XRCC5: variants seen among roughly 807,000 people sequenced by gnomAD.
The protein encoded by XRCC5 is DNA repair protein Ku80.
A neutral mutation model predicts 95.7 loss-of-function variants in XRCC5; 12 were observed. The observed-to-expected ratio is 0.13, with a 90% CI of 0.08 to 0.20. XRCC5 has a LOEUF of 0.20. XRCC5 is among the 10% of genes least tolerant of loss of function. The probability of loss-of-function intolerance (pLI) is 1.00; values close to 1 mark genes in which losing one functional copy is unlikely to be tolerated. For missense variants in XRCC5, 595 were observed against 873.9 expected, an observed-to-expected ratio of 0.68 and a Z score of 4.02; for synonymous variants, 281 against 290.3, an observed-to-expected ratio of 0.97 and a Z score of 0.33.
At chr2:216,124,014 G>T (rs866704104) in intron 6 of XRCC5, among the ~76,000 whole-genome samples, 1 of 152,156 alleles carries the variant, frequency 6.6e-6, no homozygotes, top group Non-Finnish European at 1.5e-5. Context: ...GCTACATGTG[G>T]CTATTTAAAT....
rs1348835564 is a variant in XRCC5 at position 216,180,827 on chromosome 2, T to TC, written c.1835-9396dup. Among the ~76,000 whole-genome samples the TC allele has an allele frequency of 3.3e-5, 5 of 150,858 alleles. No individual in the cohort carries two copies. The Middle Eastern group carries it at 0.01, about 310-fold the overall frequency. Reference sequence around the variant, plus strand: ...CCTTGAGTATCTTTTTTTTTTTTTTTCCGAGATGGAGTTTCGCTGTCGTTG... The same window carrying TC: ...CCTTGAGTATCTTTTTTTTTTTTTTTCCCGAGATGGAGTTTCGCTGTCGTTG... On this transcript the variant is annotated intron_variant, in intron 16 of 20. Coordinates refer to ENST00000392132, the MANE Select transcript of XRCC5 (RefSeq NM_021141.4).
chr2:216,159,889 C>T (rs1315312385), intron 14 of XRCC5, among the ~76,000 whole-genome samples, 179 bp from the exon 15 acceptor site: 1 of 152,080 alleles, frequency 6.6e-6, no homozygotes, highest in African/African-American at 2.4e-5. Flanking sequence ...AGGGAGGCAG[C>T]TTGTTTGTAG....
intron 12 of XRCC5, among the ~76,000 whole-genome samples, chr2:216,138,382 C>T (rs973831488): frequency 6.6e-5 from 10 of 152,126 alleles, no homozygotes; most frequent in African/African-American, 2.4e-4. Context: ...TTAAACTCAC[C>T]CAACACTGTC....
chr2:216,130,534 T>C (rs1199844097), intron 8 of XRCC5, among the ~76,000 whole-genome samples: 1 of 152,206 alleles, frequency 6.6e-6, no homozygotes, highest in African/African-American at 2.4e-5. Flanking sequence ...TGCTGTACTT[T>C]AGTCAACCAT....
intron 7 of XRCC5, among the ~76,000 whole-genome samples, chr2:216,126,855 T>C (rs1023873288): frequency 1.3e-5 from 2 of 152,298 alleles, no homozygotes; most frequent in South Asian, 4.1e-4. Flanking sequence ...CTCTTTTATT[T>C]TGGCCTGCTT....
intron 8 of XRCC5, 179 bp from the exon 9 acceptor site, chr2:216,130,696 G>GT: frequency 7.6e-6 from 4 of 524,162 alleles, no homozygotes. Context: ...TGTGGTTTGT[G>GT]TATCTGCTGC....
chr2:216,191,118 A>G (rs142700116), intron 17 of XRCC5, among the ~76,000 whole-genome samples: 8 of 152,344 alleles, frequency 5.3e-5, no homozygotes, highest in South Asian at 4.1e-4. Context: ...CTCTTAGATA[A>G]AAGACAAATT....
intron 13 of XRCC5, among the ~76,000 whole-genome samples, chr2:216,143,769 G>A (rs1216827943): frequency 2.0e-5 from 3 of 151,006 alleles, no homozygotes; most frequent in Non-Finnish European, 4.4e-5. Flanking sequence ...GTGCAGTGGC[G>A]TGATCTTGGC....
intron 14 of XRCC5, among the ~76,000 whole-genome samples, chr2:216,149,451 G>A (rs368834811): frequency 4.7e-4 from 72 of 152,126 alleles, no homozygotes; most frequent in African/African-American, 1.7e-3. Context: ...TTAGTCTATC[G>A]TTCTACACAA....
chr2:216,147,378 T>A (rs547044199), intron 13 of XRCC5, among the ~76,000 whole-genome samples: 1 of 152,090 alleles, frequency 6.6e-6, no homozygotes, highest in East Asian at 1.9e-4. Context: ...CATAGGACCC[T>A]AGGGTATGGT....
rs184717018 is a variant in XRCC5, at chr2:216,138,081, C to G, written c.1252-8C>G. On this transcript the variant is annotated splice_region_variant and splice_polypyrimidine_tract_variant and intron_variant, in intron 11 of 20. Transcript: ENST00000392132. ...GTTTCTGCTTTTACCCCCTTTCTTT[C>G]TCATTAGTGTTTAGTGTATGTGCAG... is the stretch of plus-strand genomic sequence containing the variant. 5.0e-5 allele frequency: 79 copies of G among 1,593,492 alleles called. No homozygotes were observed. The Admixed American group carries it at 1.0e-3, about 21-fold the overall frequency.
chr2:216,127,978 T>C (rs1393255594), intron 8 of XRCC5: 3 of 165,840 alleles, frequency 1.8e-5, no homozygotes, highest in African/African-American at 7.1e-5. Flanking sequence ...ATGTTTAATA[T>C]GGTTGAACTA....
chr2:216,119,146 G>A lies in XRCC5; in HGVS notation c.472G>A (p.Asp158Asn), dbSNP rs1696754520. 1 of 1,613,928 alleles carries A rather than the reference G, an allele frequency of 6.2e-7. No individual in the cohort carries two copies. Among genetic ancestry groups the A allele is most frequent in the Non-Finnish European group, 8.5e-7 (1 of 1,179,974 alleles). ...TATAATTCATAGCTTGAAGAAATGT[G>A]ACATCTCCCTGCAATTCTTGTAAGA... ...DIIIHSLKKC[D>N]ISLQFFLPFS... The change falls in exon 5 of 21, where the codon GAC (aspartate) becomes AAC (asparagine). Residue 158 changes from aspartate (D) to asparagine (N), a missense_variant. Asp to Asn is a conservative substitution (Grantham distance 23). Around this residue, in one of 2 missense-constraint regions of XRCC5, gnomAD observed 286 missense variants for 491.1 expected, o/e 0.58. Transcript: ENST00000392132.
intron 12 of XRCC5, 71 bp downstream of exon 12, chr2:216,138,250 T>C: frequency 7.1e-7 from 1 of 1,406,972 alleles, no homozygotes; most frequent in Non-Finnish European, 1.0e-6. Flanking sequence ...TGTCTGCTAG[T>C]TGTTGGTTGG....
chr2:216,186,567 C>G (rs1689496193), intron 16 of XRCC5, among the ~76,000 whole-genome samples: 1 of 152,150 alleles, frequency 6.6e-6, no homozygotes, highest in African/African-American at 2.4e-5. Context: ...ACCTCAAAAT[C>G]CAAAACAGAC....
At position 216,156,486 on chromosome 2, in the gene XRCC5, G is replaced by T; in HGVS notation, c.1671-3582G>T. ...TCAGATCTACATAAGCCTCATCGAT[G>T]CTGACGCATTCAATCACAGCAAAAC... On this transcript the variant is annotated intron_variant, in intron 14 of 20. Transcript: ENST00000392132. 6.1e-6 allele frequency: 4 copies of T among 656,114 alleles called. No individual in the cohort carries two copies. In the Middle Eastern group the frequency reaches 1.1e-3, roughly 173 times the overall value. The allele number at this position is 656,114 out of a possible 1,614,324, so 40.6% of individuals were successfully genotyped here.
intron 1 of XRCC5, among the ~76,000 whole-genome samples, chr2:216,111,718 T>G (rs1574447635): frequency 6.6e-6 from 1 of 152,202 alleles, no homozygotes; most frequent in East Asian, 1.9e-4. Flanking sequence ...GCTCACAGTT[T>G]GTTTGATCGG....
intron 16 of XRCC5, among the ~76,000 whole-genome samples, chr2:216,187,973 T>A (rs1185691978): frequency 3.3e-5 from 5 of 151,624 alleles, no homozygotes; most frequent in African/African-American, 1.2e-4. Context: ...CTTCTACACT[T>A]TCTAAGGAGC....
intron 16 of XRCC5, among the ~76,000 whole-genome samples, chr2:216,182,370 G>A (rs188108048): frequency 2.6e-4 from 40 of 152,256 alleles, no homozygotes; most frequent in African/African-American, 9.6e-4. Context: ...ATCTAGTCAG[G>A]TATGAAGCTA....
Sources: allele counts gnomAD v4.1 joint callset (sites outside exome capture counted in the v4.1 genomes callset), GRCh38; gene constraint gnomAD v4.1.1; regional missense constraint gnomAD v4.1.1; transcripts MANE v1.5; gene names NCBI Gene and HGNC (gene_info 2026-07-23, HGNC 2026-07-21).